SYNE2: variants seen among roughly 807,000 people sequenced by gnomAD.
The protein encoded by SYNE2 is nesprin-2.
In SYNE2, 431 loss-of-function variants were observed where a neutral mutation model predicts 856.3. That is an observed-to-expected ratio of 0.50 (90% confidence interval 0.47 to 0.55). SYNE2 has a LOEUF of 0.55. Ranked by LOEUF, SYNE2 falls within the 20% of genes least tolerant of loss-of-function variation. SYNE2 has a pLI of 0.00. For missense variants in SYNE2, 8,129 were observed against 8,023.2 expected (o/e 1.01, Z -0.50); for synonymous variants, 2,923 against 2,872.3 (o/e 1.02, Z -0.56).
At chr14:63,765,497 T>C (rs1302968389) in intron 1 of SYNE2, among the ~76,000 whole-genome samples, 1 of 152,066 alleles carries the variant, frequency 6.6e-6, no homozygotes, top group Non-Finnish European at 1.5e-5. Context: ...AGACTACAGG[T>C]GCCCGCCACC....
intron 66 of SYNE2, among the ~76,000 whole-genome samples, chr14:64,114,432 A>G (rs1326073727): frequency 1.3e-5 from 2 of 152,148 alleles, no homozygotes; most frequent in Non-Finnish European, 2.9e-5. Context: ...GAGTTCGCAT[A>G]TCACTAGCCC....
chr14:64,081,657 T>C, intron 57 of SYNE2, 77 bp downstream of exon 57: 8 of 1,518,822 alleles, frequency 5.3e-6, no homozygotes, highest in Non-Finnish European at 6.4e-6. Flanking sequence ...GTCTTGGTGC[T>C]TTTTTCCTCC....
intron 13 of SYNE2, 48 bp downstream of exon 13, chr14:63,978,065 G>A (rs1318885233): frequency 5.8e-6 from 7 of 1,211,976 alleles, no homozygotes. Context: ...TCACGTTTGA[G>A]TAACAACTGA....
At position 64,223,243 on chromosome 14, in the gene SYNE2, A is replaced by T. The variant is rs886050599; in HGVS notation, c.20245A>T (p.Ile6749Phe). The T allele has an allele frequency of 1.2e-6, 2 of 1,614,054 alleles. No homozygotes were observed. The highest frequency in any genetic ancestry group is 4.5e-5 in the East Asian group (2 of 44,900). ...RQPQVDMLQE[I>F]SNSLLIKGHG... ...ACCTCAAGTGGACATGTTACAGGAG[A>T]TTTCAAACAGCCTTCTCATTAAGGG... is the stretch of plus-strand genomic sequence containing the variant. Residue 6749 changes from isoleucine (I) to phenylalanine (F), a missense_variant, in exon 113 of 116, where the codon ATT (isoleucine) becomes TTT (phenylalanine). By Grantham distance (21) the Ile-to-Phe change is conservative. Around this residue, in one of 3 missense-constraint regions of SYNE2, gnomAD observed 5,410 missense variants for 5,284.8 expected, o/e 1.02. Coordinates refer to ENST00000555002, the MANE Select transcript of SYNE2 (RefSeq NM_182914.3).
At chr14:63,969,918 C>G (rs2096452654) in intron 11 of SYNE2, among the ~76,000 whole-genome samples, 1 of 152,080 alleles carries the variant, frequency 6.6e-6, no homozygotes, top group Admixed American at 6.6e-5. Context: ...AAAACATTGT[C>G]ATTGTGTGTA....
chr14:63,824,831 T>A (rs1889359656), intron 1 of SYNE2, among the ~76,000 whole-genome samples: 1 of 152,026 alleles, frequency 6.6e-6, no homozygotes, highest in South Asian at 2.1e-4. Flanking sequence ...AAATTAATTT[T>A]TTTTTAAGAG....
Position 64,214,326 on chromosome 14 carries a change from G to A in SYNE2, c.19189G>A (p.Val6397Met), listed in dbSNP as rs2098655864. The A allele has an allele frequency of 6.2e-6, 10 of 1,614,142 alleles. No individual in the cohort carries two copies. The highest frequency in any genetic ancestry group is 8.5e-6 in the Non-Finnish European group (10 of 1,180,012). Residue 6397 changes from valine (V) to methionine (M), a missense_variant, in exon 106 of 116, where the codon GTG becomes ATG. This residue lies in a region of SYNE2 where 5,410 missense variants were observed against 5,284.8 expected (regional missense o/e 1.02). Transcript: ENST00000555002. ...ATCTCCTCAGTCCCTGTGTCATCTA[G>A]TGGCCCCAGGGCACGAGCGGTCTGG... is the stretch of plus-strand genomic sequence containing the variant. ...PSSPQSLCHL[V>M]APGHERSGCE...
chr14:64,195,896 A>T (rs1056359303), intron 99 of SYNE2, among the ~76,000 whole-genome samples: 3 of 152,154 alleles, frequency 2.0e-5, no homozygotes, highest in African/African-American at 7.2e-5. Context: ...GAGGCTCCTC[A>T]CTTCCATTTT....
intron 96 of SYNE2, among the ~76,000 whole-genome samples, chr14:64,178,220 C>T (rs1002642970): frequency 6.6e-6 from 1 of 152,154 alleles, no homozygotes; most frequent in Non-Finnish European, 1.5e-5. Flanking sequence ...GTCTTTCTCC[C>T]TACATCTTTT....
Position 64,119,570 on chromosome 14 carries a change from A to C in SYNE2, c.12984A>C (p.Lys4328Asn), listed in dbSNP as rs151314114. The part of the protein sequence containing the change: ...KLKTVKCNLE[K>N]VQMMLQEKHS... ...AAACAGTGAAGTGCAATTTAGAAAA[A>C]GTCCAGATGATGCTTCAGGAGAAGC... Residue 4328 changes from lysine to asparagine, a missense_variant, in exon 67 of 116, where the codon AAA becomes AAC. Physicochemically the swap from Lys to Asn is moderately conservative, Grantham distance 94. Coordinates refer to ENST00000555002, the MANE Select transcript of SYNE2 (RefSeq NM_182914.3). 2 of 1,614,076 alleles carry C rather than the reference A, an allele frequency of 1.2e-6. No individual in the cohort carries two copies. The highest frequency in any genetic ancestry group is 2.7e-5 in the African/African-American group (2 of 74,936).
At chr14:63,992,958 T>C (rs1325014938) in intron 21 of SYNE2, among the ~76,000 whole-genome samples, 2 of 152,224 alleles carry the variant, frequency 1.3e-5, no homozygotes, top group Non-Finnish European at 2.9e-5. Flanking sequence ...ATCTTCTCTC[T>C]CCTGTAGGTT....
chr14:64,148,073 A>G (rs944143840), intron 84 of SYNE2, among the ~76,000 whole-genome samples: 8 of 152,130 alleles, frequency 5.3e-5, no homozygotes, highest in African/African-American at 1.9e-4. Context: ...GCACTTTGGG[A>G]GGCTGAGGTG....
rs1311638019 is a variant in SYNE2 at position 63,769,728 on chromosome 14, A to C, written c.-305+7742A>C. ...GTGAAACCCTGTCTCTAAAAAAAAA[A>C]AAAAAGAAAGAAAAAGAAAAATCAG... On this transcript the variant is annotated intron_variant, in intron 1 of 23. Coordinates refer to the SYNE2 transcript ENST00000674003. 8.0e-3 allele frequency among the ~76,000 whole-genome samples: 1,201 copies of C among 151,056 alleles called. 21 individuals carry two copies. Among genetic ancestry groups the C allele is most frequent in the African/African-American group, 0.028 (1,133 of 41,136 alleles).
intron 1 of SYNE2, among the ~76,000 whole-genome samples, chr14:63,887,953 A>T (rs2095036680): frequency 6.6e-6 from 1 of 151,996 alleles, no homozygotes; most frequent in South Asian, 2.1e-4. Flanking sequence ...GAATTTCACC[A>T]TGTTGGCCAG....
At chr14:64,217,208 AGTT>A (rs1441300596) in intron 108 of SYNE2, among the ~76,000 whole-genome samples, 1 of 152,082 alleles carries the variant, frequency 6.6e-6, no homozygotes. Context: ...TTCACCTAGT[AGTT>A]GTTAAGATTA....
chr14:64,080,147 T>C (rs769236660), intron 55 of SYNE2, among the ~76,000 whole-genome samples: 5 of 152,166 alleles, frequency 3.3e-5, no homozygotes, highest in Non-Finnish European at 7.3e-5. Flanking sequence ...GTTTTGCTTG[T>C]CACTCTTGAG....
chr14:64,178,800 G>T (rs1316999574), intron 96 of SYNE2, among the ~76,000 whole-genome samples: 2 of 152,206 alleles, frequency 1.3e-5, no homozygotes, highest in Non-Finnish European at 2.9e-5. Context: ...GCTAGGCATG[G>T]TGGCTCACAA....
Position 64,225,408 on chromosome 14 carries a change from T to C in SYNE2, c.20606T>C (p.Leu6869Pro), listed in dbSNP as rs1434188756. Residue 6869 changes from leucine to proline, a missense_variant, in exon 116 of 116, where the codon CTG becomes CCG. Physicochemically the swap from Leu to Pro is moderately conservative, Grantham distance 98 (BLOSUM62 -3). Around this residue, in one of 3 missense-constraint regions of SYNE2, gnomAD observed 5,410 missense variants for 5,284.8 expected, o/e 1.02. Transcript: ENST00000555002. The stretch of plus-strand genomic sequence containing the variant: ...CTGCAGCTGCTCCTCCTGCTGCTGC[T>C]GCTCCTGGCCTGCCTGCTGCCCTCC... ...LPLQLLLLLL[L>P]LLACLLPSSE... 2 of 1,613,968 alleles carry C rather than the reference T, an allele frequency of 1.2e-6. No individual in the cohort carries two copies. The highest frequency in any genetic ancestry group is 1.1e-5 in the South Asian group (1 of 91,084).
In SYNE2 at chr14:63,823,970, A is replaced by T. The variant is rs566309929; in HGVS notation, c.-304-28531A>T. Reference sequence around the variant, plus strand: ...TGGTTAGTGGATACAAAAAAATAGAAAGAGTAAATAAGACCTACTATTTGC... The same window carrying T: ...TGGTTAGTGGATACAAAAAAATAGATAGAGTAAATAAGACCTACTATTTGC... On this transcript the variant is annotated intron_variant, in intron 1 of 23. Transcript: ENST00000674003. Among the ~76,000 whole-genome samples, 10 of 152,278 alleles carry T rather than the reference A, an allele frequency of 6.6e-5. No homozygotes were observed. In the South Asian group the frequency reaches 2.1e-3, roughly 32 times the overall value.
Sources: allele counts gnomAD v4.1 joint callset (sites outside exome capture counted in the v4.1 genomes callset), GRCh38; gene constraint gnomAD v4.1.1; regional missense constraint gnomAD v4.1.1; transcripts MANE v1.5; gene names NCBI Gene and HGNC (gene_info 2026-07-23, HGNC 2026-07-21).